Variants in NTRK3 observed in about 807,000 individuals in gnomAD.
NTRK3 encodes the protein neurotrophic receptor tyrosine kinase 3, also known as NT-3 growth factor receptor.
Under a neutral mutation model 91.7 loss-of-function variants are expected in NTRK3, and 24 were observed. The observed-to-expected ratio is 0.26, with a 90% CI of 0.19 to 0.37. The LOEUF (loss-of-function observed/expected upper bound fraction) is 0.37, where lower values mean the gene tolerates loss of function less well. NTRK3 is among the 10% of genes least tolerant of loss of function. The pLI is 1.00. For synonymous variants in NTRK3, 483 were observed against 404.0 expected (o/e 1.20, Z -2.34); for missense variants, 880 against 1,068.9 (o/e 0.82, Z 2.46).
At chr15:88,228,350 C>A (rs1211070911) in intron 3 of NTRK3, among the ~76,000 whole-genome samples, 1 of 152,186 alleles carries the variant, frequency 6.6e-6, no homozygotes, top group Admixed American at 6.5e-5. Context: ...ATCTCCCCAT[C>A]CTGGCTGTCT....
intron 3 of NTRK3, among the ~76,000 whole-genome samples, chr15:88,222,920 T>C (rs2050354499): frequency 6.6e-6 from 1 of 152,176 alleles, no homozygotes; most frequent in Admixed American, 6.5e-5. Context: ...AAGGGGTCCC[T>C]GAGGAACCCG....
At chr15:88,087,191 T>C (rs1350235616) in intron 13 of NTRK3, among the ~76,000 whole-genome samples, 1 of 152,170 alleles carries the variant, frequency 6.6e-6, no homozygotes, top group Non-Finnish European at 1.5e-5. Flanking sequence ...CAGGGAGTCA[T>C]GAAACGCATG....
At chr15:88,023,178 G>A (rs940615018) in intron 14 of NTRK3, among the ~76,000 whole-genome samples, 3 of 152,120 alleles carry the variant, frequency 2.0e-5, no homozygotes, top group African/African-American at 7.2e-5. Context: ...GAGACTCTGT[G>A]GACAAGCTTG....
At chr15:87,890,516 T>C (rs1242985924) in intron 17 of NTRK3, among the ~76,000 whole-genome samples, 3 of 151,934 alleles carry the variant, frequency 2.0e-5, no homozygotes, top group African/African-American at 7.3e-5. Context: ...CCTCCAGAGG[T>C]GACCAATGAG....
chr15:87,880,228 G>A (rs180906708), intron 18 of NTRK3, 42 bp downstream of exon 19: 13 of 1,612,858 alleles, frequency 8.1e-6, no homozygotes, highest in African/African-American at 2.7e-5. Flanking sequence ...TAGCTCTTAT[G>A]AGCCCTCCCC....
rs566251848 is a variant in NTRK3, at chr15:88,023,618, A to T, written c.1585+9239T>A. ...ACCAGGAGAATAAAAGAGGGGACCCATCAGAATCCCCCACCCACCTTGGTC... is the reference window on the plus strand; with the variant it reads ...ACCAGGAGAATAAAAGAGGGGACCCTTCAGAATCCCCCACCCACCTTGGTC... On this transcript the variant is annotated intron_variant, in intron 14 of 18. Coordinates refer to ENST00000394480, the Ensembl canonical transcript of NTRK3. Among the ~76,000 whole-genome samples, 25 of 152,298 alleles carry T rather than the reference A, an allele frequency of 1.6e-4. No homozygotes were observed. The South Asian group carries it at 5.0e-3, about 30-fold the overall frequency.
chr15:88,161,789 C>A (rs1054210792), intron 5 of NTRK3, among the ~76,000 whole-genome samples: 1 of 152,154 alleles, frequency 6.6e-6, no homozygotes, highest in Non-Finnish European at 1.5e-5. Flanking sequence ...GAGATCCCAG[C>A]TGAACAAACA....
exon 19 of NTRK3, chr15:87,865,047 G>C (rs1446996421): frequency 4.7e-6 from 1 of 214,414 alleles, no homozygotes. Flanking sequence ...TTGTCATCAA[G>C]ATTGCCTCTG....
chr15:87,864,329 T>A (rs1302228990), exon 19 of NTRK3: 2 of 231,660 alleles, frequency 8.6e-6, no homozygotes, highest in Non-Finnish European at 1.7e-5. Flanking sequence ...ATACAATCAA[T>A]CTTTTCTAGC....
intron 17 of NTRK3, among the ~76,000 whole-genome samples, chr15:87,908,225 C>T (rs761629805): frequency 2.0e-5 from 3 of 152,182 alleles, no homozygotes; most frequent in Non-Finnish European, 4.4e-5. Flanking sequence ...AGCGGCTCTC[C>T]CGGCTGTGCA....
chr15:88,053,465 C>T lies in NTRK3; in HGVS notation c.1397-20420G>A, dbSNP rs117067191. Among the ~76,000 whole-genome samples the T allele has an allele frequency of 1.2e-3, 187 of 152,294 alleles. 2 individuals carry two copies. In the East Asian group the frequency reaches 0.033, roughly 27 times the overall value. ...AGAACAGTCCTTGAAACCAGCAACC[C>T]AACATGCCTGTACTTCACTCTGAAT... On this transcript the variant is annotated intron_variant, in intron 13 of 18. Coordinates refer to ENST00000394480, the Ensembl canonical transcript of NTRK3.
chr15:88,117,506 A>T (rs1028255692), intron 13 of NTRK3, among the ~76,000 whole-genome samples: 1 of 152,232 alleles, frequency 6.6e-6, no homozygotes, highest in Non-Finnish European at 1.5e-5. Context: ...AGGAGCTAGG[A>T]TCTTAAGCCA....
At chr15:88,141,647 G>C (rs1031812805) in intron 6 of NTRK3, among the ~76,000 whole-genome samples, 3 of 152,238 alleles carry the variant, frequency 2.0e-5, no homozygotes, top group African/African-American at 7.2e-5. Flanking sequence ...CGAGGGGCTT[G>C]GCTGCATTGC....
In NTRK3 at chr15:88,137,569, CAAAG is replaced by C. The variant is rs750235814; in HGVS notation, c.465-12_465-9del. 6.2e-7 allele frequency: 1 copy of C among 1,613,288 alleles called. No homozygotes were observed. The highest frequency in any genetic ancestry group is 1.3e-5 in the African/African-American group (1 of 75,040). ...AAGTTCTGCTCCAACTGCCTGTCGG[CAAAG>C]AGAGAGGGGAAGGGAACCTCTGAAC... On this transcript the variant is annotated splice_polypyrimidine_tract_variant and intron_variant, in intron 6 of 18. Transcript: ENST00000394480.
chr15:88,029,038 G>A (rs992411123), intron 14 of NTRK3, among the ~76,000 whole-genome samples: 6 of 152,170 alleles, frequency 3.9e-5, no homozygotes, highest in African/African-American at 1.4e-4. Flanking sequence ...CTGGTCCCTT[G>A]ACTTCTCATT....
intron 5 of NTRK3, among the ~76,000 whole-genome samples, chr15:88,147,931 T>C (rs1189405534): frequency 6.6e-6 from 1 of 152,200 alleles, no homozygotes; most frequent in East Asian, 1.9e-4. Context: ...TATTTAATTG[T>C]TCTCATTAGG....
chr15:87,957,446 T>A (rs1394402218), intron 14 of NTRK3, among the ~76,000 whole-genome samples: 3 of 152,238 alleles, frequency 2.0e-5, no homozygotes, highest in African/African-American at 4.8e-5. Flanking sequence ...CCACTGCCCC[T>A]GGCTGTATAA....
chr15:88,126,479 T>C (rs2053297400), intron 12 of NTRK3, 106 bp from the exon 13 acceptor site: 4 of 710,354 alleles, frequency 5.6e-6, no homozygotes, highest in Non-Finnish European at 9.9e-6. Context: ...CCATAGTAAT[T>C]GTAGCCTTCT....
chr15:88,232,205 C>CTGTA (rs2051261973), intron 3 of NTRK3, among the ~76,000 whole-genome samples: 1 of 152,166 alleles, frequency 6.6e-6, no homozygotes, highest in Non-Finnish European at 1.5e-5. Context: ...CAGGTCCTAC[C>CTGTA]TGTACAGCCA....
Sources: allele counts gnomAD v4.1 joint callset (sites outside exome capture counted in the v4.1 genomes callset), GRCh38; gene constraint gnomAD v4.1.1; transcripts MANE v1.5; gene names NCBI Gene and HGNC (gene_info 2026-07-23, HGNC 2026-07-21).